The following NCALD variants were observed in gnomAD, a reference collection of about 807,000 sequenced individuals.
NCALD encodes the protein neurocalcin delta.
In NCALD, 10 loss-of-function variants were observed where a neutral mutation model predicts 18.6. The observed-to-expected ratio is 0.54, with a 90% CI of 0.33 to 0.91. The LOEUF is 0.91. Among genes scored for constraint, NCALD ranks in the 40% least tolerant of loss-of-function variants. The probability of loss-of-function intolerance (pLI) is 0.03; values close to 1 mark genes in which losing one functional copy is unlikely to be tolerated. For synonymous variants in NCALD, 88 were observed against 87.4 expected (o/e 1.01, Z -0.04); for missense variants, 184 against 247.6 (o/e 0.74, Z 1.72).
intron 2 of NCALD, among the ~76,000 whole-genome samples, chr8:102,018,814 G>A (rs1822176729): frequency 6.6e-6 from 1 of 152,036 alleles, no homozygotes; most frequent in Non-Finnish European, 1.5e-5. Context: ...GGATCTTCAC[G>A]TGGAAAAAAA....
At chr8:102,031,967 A>G (rs1586952123) in intron 1 of NCALD, among the ~76,000 whole-genome samples, 1 of 152,076 alleles carries the variant, frequency 6.6e-6, no homozygotes, top group Non-Finnish European at 1.5e-5. Context: ...TTGGAGCAAA[A>G]CCAGCCTCTT....
chr8:101,918,436 A>C (rs375527753), intron 2 of NCALD, among the ~76,000 whole-genome samples: 1 of 152,054 alleles, frequency 6.6e-6, no homozygotes, highest in African/African-American at 2.4e-5. Context: ...AAGTATGCCC[A>C]CTCTCACCAC....
intron 1 of NCALD, among the ~76,000 whole-genome samples, chr8:102,080,359 C>G (rs887880825): frequency 2.0e-5 from 3 of 152,194 alleles, no homozygotes; most frequent in African/African-American, 7.2e-5. Flanking sequence ...TGCAGAATTA[C>G]CCAAAAACAA....
chr8:101,827,530 T>G (rs1244417623), intron 4 of NCALD, among the ~76,000 whole-genome samples: 1 of 152,208 alleles, frequency 6.6e-6, no homozygotes, highest in Non-Finnish European at 1.5e-5. Context: ...CACCTCCCAA[T>G]AGCTAGAGAC....
intron 4 of NCALD, among the ~76,000 whole-genome samples, chr8:101,846,486 T>C (rs900809625): frequency 5.9e-5 from 9 of 152,226 alleles, no homozygotes; most frequent in African/African-American, 1.9e-4. Flanking sequence ...TCTACTTCCA[T>C]GCCAGTTTTT....
At chr8:102,105,120 T>C (rs965233246) in intron 1 of NCALD, among the ~76,000 whole-genome samples, 2 of 152,194 alleles carry the variant, frequency 1.3e-5, no homozygotes. Flanking sequence ...AGCCTTTGCC[T>C]TTACAATCAC....
intron 2 of NCALD, among the ~76,000 whole-genome samples, chr8:101,957,765 G>A (rs764116580): frequency 3.9e-5 from 6 of 152,126 alleles, no homozygotes; most frequent in Non-Finnish European, 7.4e-5. Context: ...ATGAGACAGT[G>A]CTTTGTCTAT....
chr8:101,967,345 A>G (rs1820067747), intron 2 of NCALD, among the ~76,000 whole-genome samples: 1 of 152,212 alleles, frequency 6.6e-6, no homozygotes, highest in African/African-American at 2.4e-5. Context: ...GACTTTTATT[A>G]GGGAACACAA....
intron 3 of NCALD, chr8:101,692,388 C>G (rs992448072): frequency 2.0e-6 from 2 of 985,242 alleles, no homozygotes; most frequent in African/African-American, 3.5e-5. Context: ...TGAAAGCTGT[C>G]GGCATCTGGG....
At chr8:102,097,539 A>C (rs1367748914) in intron 1 of NCALD, among the ~76,000 whole-genome samples, 1 of 152,212 alleles carries the variant, frequency 6.6e-6, no homozygotes, top group Non-Finnish European at 1.5e-5. Flanking sequence ...TGAGACATGT[A>C]GATGCTGTTT....
chr8:102,073,995 T>C (rs937519247), intron 1 of NCALD, among the ~76,000 whole-genome samples: 1 of 152,202 alleles, frequency 6.6e-6, no homozygotes, highest in Non-Finnish European at 1.5e-5. Flanking sequence ...AGTTTTGTGA[T>C]CATTTCTATG....
intron 3 of NCALD, among the ~76,000 whole-genome samples, chr8:101,895,070 T>A (rs1481840552): frequency 6.7e-6 from 1 of 150,318 alleles, no homozygotes; most frequent in Admixed American, 6.6e-5. Context: ...AAAAAGAGAA[T>A]TTTATACCAA....
At chr8:101,843,579 A>ATTTT (rs1554644288) in intron 4 of NCALD, among the ~76,000 whole-genome samples, 1 of 101,212 alleles carries the variant, frequency 9.9e-6, no homozygotes, top group African/African-American at 5.4e-5. Context: ...ATCTTTAAAA[A>ATTTT]TTGTTTTTTT....
intron 4 of NCALD, among the ~76,000 whole-genome samples, chr8:101,813,722 G>A (rs1348604404): frequency 2.0e-5 from 3 of 152,002 alleles, no homozygotes; most frequent in Non-Finnish European, 4.4e-5. Context: ...ATCACCCTCA[G>A]AAAATAGAAC....
rs566163735 is a variant in NCALD at position 101,927,561 on chromosome 8, G to T, written c.-156-11703C>A. ...AATCTAAGCAGAGGGAACAGCCCGT[G>T]CAAAGGCCCAGAGATGGGAAAGGGT... On this transcript the variant is annotated intron_variant, in intron 2 of 6. Transcript: ENST00000311028. Among the ~76,000 whole-genome samples the T allele has an allele frequency of 7.9e-5, 12 of 152,332 alleles. No homozygotes were observed. The East Asian group carries it at 9.6e-4, about 12-fold the overall frequency.
chr8:101,697,012 T>C (rs888336241), intron 2 of NCALD, among the ~76,000 whole-genome samples: 2 of 151,950 alleles, frequency 1.3e-5, no homozygotes, highest in African/African-American at 4.8e-5. Context: ...ATCCAGGAGC[T>C]GTTTTTTTGA....
At chr8:101,691,037 T>TA (rs1394055369) in intron 3 of NCALD, 1 of 985,280 alleles carries the variant, frequency 1.0e-6, no homozygotes, top group African/African-American at 1.7e-5. Flanking sequence ...GGCCAGAAGT[T>TA]AGATTCCAAG....
intron 1 of NCALD, among the ~76,000 whole-genome samples, chr8:102,026,862 C>A (rs1822477179): frequency 1.3e-5 from 2 of 152,214 alleles, no homozygotes; most frequent in Non-Finnish European, 2.9e-5. Context: ...GAAATCTAGG[C>A]AGAGGTTCCC....
chr8:101,769,608 CTTCT>C (rs574164929), intron 1 of NCALD, among the ~76,000 whole-genome samples: 24 of 151,860 alleles, frequency 1.6e-4, no homozygotes, highest in African/African-American at 5.5e-4. Context: ...CATTTATTTT[CTTCT>C]TTCTTTCTTC....
Sources: gnomAD v4.1 joint callset for allele counts (sites outside exome capture counted in the v4.1 genomes callset) on GRCh38, gnomAD v4.1.1 for gene constraint, MANE v1.5 for transcripts, NCBI Gene and HGNC (gene_info 2026-07-23, HGNC 2026-07-21) for gene names.